The following KCTD13 variants were observed in gnomAD, a reference collection of about 807,000 sequenced individuals.
KCTD13 encodes potassium channel tetramerization domain containing 13.
A neutral mutation model predicts 32.3 loss-of-function variants in KCTD13; 15 were observed. The ratio of observed to expected loss-of-function variants is 0.46; its 90% CI spans 0.31 to 0.71. The LOEUF (loss-of-function observed/expected upper bound fraction) is 0.71, where lower values mean the gene tolerates loss of function less well. Ranked by LOEUF, KCTD13 falls within the 30% of genes least tolerant of loss-of-function variation. The pLI, the probability that KCTD13 is intolerant of heterozygous loss-of-function variation, is 0.05. For synonymous variants in KCTD13, 189 were observed against 200.1 expected, an observed-to-expected ratio of 0.94 and a Z score of 0.47; for missense variants, 337 against 452.6, an observed-to-expected ratio of 0.74 and a Z score of 2.32.
chr16:29,912,441 G>GTTTTCT (rs1387710508), intron 2 of KCTD13: 1 of 257,960 alleles, frequency 3.9e-6, no homozygotes, highest in Non-Finnish European at 7.3e-6. Context: ...TGTGTTATCA[G>GTTTTCT]TTTTCTTTTT....
chr16:29,923,123 T>C, intron 2 of KCTD13, 67 bp downstream of exon 2: 2 of 1,554,108 alleles, frequency 1.3e-6, no homozygotes, highest in South Asian at 1.2e-5. Context: ...TCTCCTTTTT[T>C]CTGCTCTAAT....
intron 4 of KCTD13, 93 bp downstream of exon 4, chr16:29,911,722 G>A (rs1221522147): frequency 9.6e-6 from 13 of 1,352,464 alleles, no homozygotes; most frequent in Admixed American, 9.4e-5. Flanking sequence ...GTTCTTGTAG[G>A]CCCCCCGTGT....
At chr16:29,924,923 G>T (rs1398882286) in intron 1 of KCTD13, among the ~76,000 whole-genome samples, 1 of 151,990 alleles carries the variant, frequency 6.6e-6, no homozygotes, top group African/African-American at 2.4e-5. Context: ...TCGCCATATT[G>T]GTCAGGCTGG....
chr16:29,912,336 T>A (rs747337639), intron 2 of KCTD13: 58 of 508,108 alleles, frequency 1.1e-4, no homozygotes, highest in Non-Finnish European at 1.9e-4. Flanking sequence ...GGCGTGTCCG[T>A]CATGCCATTC....
At chr16:29,923,590 G>A (rs1023089008) in intron 1 of KCTD13, among the ~76,000 whole-genome samples, 4 of 152,062 alleles carry the variant, frequency 2.6e-5, no homozygotes, top group African/African-American at 4.8e-5. Flanking sequence ...AGCCAGGCGC[G>A]GTGGCTCATG....
At chr16:29,912,199 C>T in intron 2 of KCTD13, 150 bp from the exon 3 acceptor site, 1 of 657,948 alleles carries the variant, frequency 1.5e-6, no homozygotes, top group Non-Finnish European at 2.7e-6. Flanking sequence ...GCCTCTCTGC[C>T]ACTCTCCCTT....
chr16:29,926,194 C>T lies in KCTD13; in HGVS notation c.-161G>A. 1 of 823,724 alleles carries T rather than the reference C, an allele frequency of 1.2e-6. No individual in the cohort carries two copies. The highest frequency in any genetic ancestry group is 1.7e-6 in the Non-Finnish European group (1 of 586,310). The allele number at this position is 823,724 out of a possible 1,614,324, so 51.0% of individuals were successfully genotyped here. On this transcript the variant is annotated 5_prime_UTR_variant, in exon 1 of 6. Transcript: ENST00000568000. ...AAGACCGGCCCTCCGCCCCATCTCG[C>T]TCGCACCACCCGGAAGCCGGCGCCG...
chr16:29,924,532 G>GA (rs1443018081), intron 1 of KCTD13, among the ~76,000 whole-genome samples: 3 of 151,910 alleles, frequency 2.0e-5, no homozygotes, highest in Non-Finnish European at 4.4e-5. Flanking sequence ...ATCAAAAAAA[G>GA]AAAAAAGAAA....
Position 29,926,211 on chromosome 16 carries a change from C to T in KCTD13, c.-178G>A. ...CCATCTCGCTCGCACCACCCGGAAG[C>T]CGGCGCCGGGCAGCTGCGCAGGCGC... On this transcript the variant is annotated 5_prime_UTR_variant, in exon 1 of 6. Coordinates refer to ENST00000568000, the MANE Select transcript of KCTD13 (RefSeq NM_178863.5). The T allele has an allele frequency of 1.5e-6, 1 of 689,630 alleles. No homozygotes were observed. Among genetic ancestry groups the T allele is most frequent in the Non-Finnish European group, 2.1e-6 (1 of 468,344 alleles). 42.7% of individuals were successfully genotyped at this position (689,630 alleles called of 1,614,324 possible).
In KCTD13 at chr16:29,911,947, T is replaced by C; in HGVS notation, c.504+13A>G. ...CCAGTGAGCCTCCACCCTGCAGGGC[T>C]TGGGGGCCTCACCTTGGAGGTGCTG... On this transcript the variant is annotated intron_variant, in intron 3 of 5. Coordinates refer to ENST00000568000, the MANE Select transcript of KCTD13 (RefSeq NM_178863.5). The C allele has an allele frequency of 1.9e-6, 3 of 1,610,692 alleles. No homozygotes were observed. The highest frequency in any genetic ancestry group is 2.5e-6 in the Non-Finnish European group (3 of 1,178,764).
At chr16:29,919,403 T>A (rs1256707837) in intron 2 of KCTD13, 1 of 152,214 alleles carries the variant, frequency 6.6e-6, no homozygotes, top group Non-Finnish European at 1.5e-5. Flanking sequence ...CAGTTACCTA[T>A]CAATGATAAT....
chr16:29,919,430 A>C (rs1215616570), intron 2 of KCTD13: 1 of 152,196 alleles, frequency 6.6e-6, no homozygotes, highest in East Asian at 1.9e-4. Context: ...CTGAACCAGT[A>C]ATTACATTCG....
chr16:29,919,940 A>C (rs1282951012), intron 2 of KCTD13: 1 of 152,238 alleles, frequency 6.6e-6, no homozygotes, highest in East Asian at 1.9e-4. Context: ...TGACATTCTA[A>C]GAAAAAATAT....
chr16:29,914,975 CA>C (rs538063744), intron 2 of KCTD13: 293 of 128,536 alleles, frequency 2.3e-3, no homozygotes, highest in Admixed American at 2.0e-3. Flanking sequence ...GACTCTGTCT[CA>C]AAAAAAAAAA....
chr16:29,910,785 C>T (rs942524820), intron 5 of KCTD13, among the ~76,000 whole-genome samples, 193 bp downstream of exon 5: 5 of 152,216 alleles, frequency 3.3e-5, no homozygotes, highest in Non-Finnish European at 7.3e-5. Flanking sequence ...TGCTCTAACC[C>T]GTGACCCCCA....
At chr16:29,924,983 C>T (rs2068971579) in intron 1 of KCTD13, among the ~76,000 whole-genome samples, 1 of 152,194 alleles carries the variant, frequency 6.6e-6, no homozygotes, top group Non-Finnish European at 1.5e-5. Flanking sequence ...TCCCAAAGTG[C>T]TGGGATTAAA....
Position 29,925,947 on chromosome 16 carries a change from G to A in KCTD13, c.87C>T (p.Ala29=). The A allele has an allele frequency of 6.2e-7, 1 of 1,613,708 alleles. No individual in the cohort carries two copies. The highest frequency in any genetic ancestry group is 8.5e-7 in the Non-Finnish European group (1 of 1,179,844). The part of the protein sequence containing the change: ...PKPSGLEPGP[A]AYGLKPLTPN... ...GGGTCAGCGGCTTGAGACCGTAGGC[G>A]GCGGGGCCAGGCTCGAGACCCGAGG... The change falls in exon 1 of 6, where the codon GCC becomes GCT. Residue 29 remains alanine (A), a synonymous_variant. Coordinates refer to ENST00000568000, the MANE Select transcript of KCTD13 (RefSeq NM_178863.5).
intron 2 of KCTD13, 52 bp from the exon 3 acceptor site, chr16:29,912,101 C>T (rs1296500461): frequency 2.4e-6 from 3 of 1,273,624 alleles, no homozygotes; most frequent in Non-Finnish European, 2.2e-6. Context: ...CCACGTACTC[C>T]CCCACTTAAA....
chr16:29,906,798 A>T lies in KCTD13; in HGVS notation c.*74T>A. 7.4e-7 allele frequency: 1 copy of T among 1,353,630 alleles called. No individual in the cohort carries two copies. Among genetic ancestry groups the T allele is most frequent in the Non-Finnish European group, 1.0e-6 (1 of 963,464 alleles). 83.9% of individuals were successfully genotyped at this position (1,353,630 alleles called of 1,614,324 possible). On this transcript the variant is annotated 3_prime_UTR_variant, in exon 6 of 6. Coordinates refer to ENST00000568000, the MANE Select transcript of KCTD13 (RefSeq NM_178863.5). ...GACTTGGCCAGCAGAGCCGGGGCAA[A>T]AGTCTGGGAAGGGGAGGGAAAGAGA... is the stretch of plus-strand genomic sequence containing the variant.
Sources: allele counts gnomAD v4.1 joint callset (sites outside exome capture counted in the v4.1 genomes callset), GRCh38; gene constraint gnomAD v4.1.1; transcripts MANE v1.5; gene names NCBI Gene and HGNC (gene_info 2026-07-23, HGNC 2026-07-21).